Variants in AUTS2 observed in about 807,000 individuals in gnomAD.
AUTS2 encodes the protein activator of transcription and developmental regulator AUTS2, also known as autism susceptibility gene 2 protein.
In AUTS2, 17 loss-of-function variants were observed where a neutral mutation model predicts 112.4. That is an observed-to-expected ratio of 0.15 (90% confidence interval 0.10 to 0.23). The LOEUF is 0.23. AUTS2 is among the 10% of genes least tolerant of loss of function. The pLI is 1.00. For synonymous variants in AUTS2, 751 were observed against 702.7 expected, an observed-to-expected ratio of 1.07 and a Z score of -1.09; for missense variants, 1,510 against 1,701.6, an observed-to-expected ratio of 0.89 and a Z score of 1.98.
intron 1 of AUTS2, among the ~76,000 whole-genome samples, chr7:69,723,724 G>T (rs1221341033): frequency 6.6e-6 from 1 of 152,188 alleles, no homozygotes. Flanking sequence ...TTAACTAGTA[G>T]AAGTCAGAAA....
intron 1 of AUTS2, among the ~76,000 whole-genome samples, chr7:69,740,726 A>G (rs975040342): frequency 2.6e-5 from 4 of 151,892 alleles, no homozygotes; most frequent in Non-Finnish European, 5.9e-5. Context: ...GACTTTCACC[A>G]TGTTAGGCTG....
At chr7:70,637,860 G>C (rs1226628035) in intron 5 of AUTS2, among the ~76,000 whole-genome samples, 1 of 152,168 alleles carries the variant, frequency 6.6e-6, no homozygotes, top group Non-Finnish European at 1.5e-5. Context: ...CAGGCTCTTT[G>C]TTAACTCCCT....
intron 5 of AUTS2, among the ~76,000 whole-genome samples, chr7:70,665,915 A>G (rs893672128): frequency 2.0e-5 from 3 of 152,184 alleles, no homozygotes; most frequent in Non-Finnish European, 4.4e-5. Flanking sequence ...ACAAACCCAT[A>G]AACAGTGCAA....
At chr7:70,768,129 C>A in intron 10 of AUTS2, 61 bp downstream of exon 10, 1 of 1,488,924 alleles carries the variant, frequency 6.7e-7, no homozygotes, top group Non-Finnish European at 9.2e-7. Flanking sequence ...TGTGCTCTTG[C>A]CACAGATCAG....
chr7:69,859,502 C>G (rs78547899), intron 1 of AUTS2, among the ~76,000 whole-genome samples: 3,391 of 152,324 alleles, frequency 0.022, 122 homozygotes, highest in African/African-American at 0.074. Flanking sequence ...TAGTCTCAGA[C>G]TCATATTCAT....
intron 2 of AUTS2, among the ~76,000 whole-genome samples, chr7:69,970,952 C>T (rs2129547996): frequency 6.6e-6 from 1 of 152,222 alleles, no homozygotes; most frequent in African/African-American, 2.4e-5. Context: ...GCGGGAGAAT[C>T]CCTTGATCCC....
At chr7:70,610,469 T>C (rs1804036275) in intron 5 of AUTS2, among the ~76,000 whole-genome samples, 1 of 140,568 alleles carries the variant, frequency 7.1e-6, no homozygotes, top group African/African-American at 2.8e-5. Context: ...AGAGTCTCAT[T>C]CTGTTGCCCA....
chr7:69,755,961 T>C (rs949532779), intron 1 of AUTS2, among the ~76,000 whole-genome samples: 14 of 152,230 alleles, frequency 9.2e-5, no homozygotes, highest in Admixed American at 2.6e-4. Context: ...TGCACCATCA[T>C]GATTTAACTG....
intron 2 of AUTS2, among the ~76,000 whole-genome samples, chr7:70,114,480 G>A (rs1039654221): frequency 3.3e-5 from 5 of 152,182 alleles, no homozygotes; most frequent in African/African-American, 1.2e-4. Flanking sequence ...TCCATTGGAT[G>A]TGGCTAAAAT....
intron 6 of AUTS2, among the ~76,000 whole-genome samples, chr7:70,760,549 T>TG (rs1433704914): frequency 2.0e-5 from 3 of 152,222 alleles, no homozygotes; most frequent in Admixed American, 6.5e-5. Context: ...TAGCTTGCTG[T>TG]GGGAAAATCC....
At chr7:70,730,679 A>AT (rs112099139) in intron 6 of AUTS2, among the ~76,000 whole-genome samples, 4 of 151,910 alleles carry the variant, frequency 2.6e-5, no homozygotes, top group African/African-American at 4.8e-5. Context: ...AGTTGCTTCT[A>AT]TTTTTTTGGC....
At chr7:70,248,784 G>A (rs1813061772) in intron 4 of AUTS2, among the ~76,000 whole-genome samples, 2 of 152,062 alleles carry the variant, frequency 1.3e-5, no homozygotes, top group African/African-American at 4.8e-5. Flanking sequence ...AAGTTACTCA[G>A]GAGGAAAGGA....
chr7:70,568,520 T>C (rs1332741107), intron 5 of AUTS2, among the ~76,000 whole-genome samples: 1 of 152,138 alleles, frequency 6.6e-6, no homozygotes, highest in Non-Finnish European at 1.5e-5. Flanking sequence ...CCAGGGCAAT[T>C]GGATGCACTT....
At chr7:69,759,127 C>T (rs886522664) in intron 1 of AUTS2, among the ~76,000 whole-genome samples, 21 of 152,132 alleles carry the variant, frequency 1.4e-4, no homozygotes, top group African/African-American at 4.8e-4. Flanking sequence ...CACAGAGAGA[C>T]TCGGTAATTT....
intron 4 of AUTS2, among the ~76,000 whole-genome samples, chr7:70,322,653 A>G (rs1790308109): frequency 6.6e-6 from 1 of 152,178 alleles, no homozygotes; most frequent in African/African-American, 2.4e-5. Flanking sequence ...AAAGTGTGTC[A>G]TAGTTTTTTG....
intron 5 of AUTS2, among the ~76,000 whole-genome samples, chr7:70,576,564 C>G (rs531418996): frequency 7.9e-5 from 12 of 152,250 alleles, no homozygotes; most frequent in African/African-American, 2.9e-4. Context: ...CACACGCTTC[C>G]ACTCCTAACC....
rs534248505 is a variant in AUTS2, at chr7:70,371,471, A to G, written c.661-64281A>G. On this transcript the variant is annotated intron_variant, in intron 4 of 18. Coordinates refer to ENST00000342771, the MANE Select transcript of AUTS2 (RefSeq NM_015570.4). ...TCAAACAGATGTAAGACATAATTGCAGTGTGCAGTCTTCTCCAACTAATGA... is the reference window on the plus strand; with the variant it reads ...TCAAACAGATGTAAGACATAATTGCGGTGTGCAGTCTTCTCCAACTAATGA... Among the ~76,000 whole-genome samples, 5 of 152,374 alleles carry G rather than the reference A, an allele frequency of 3.3e-5. No individual in the cohort carries two copies. The East Asian group carries it at 9.7e-4, about 29-fold the overall frequency.
intron 5 of AUTS2, among the ~76,000 whole-genome samples, chr7:70,465,021 TAG>T (rs898488242): frequency 6.6e-6 from 1 of 152,138 alleles, no homozygotes; most frequent in Non-Finnish European, 1.5e-5. Flanking sequence ...TTCCCATTTT[TAG>T]AGAGAGGGAG....
At position 69,751,186 on chromosome 7, in the gene AUTS2, A is replaced by G. The variant is rs560914642; in HGVS notation, c.310-148100A>G. Among the ~76,000 whole-genome samples the G allele has an allele frequency of 5.9e-5, 9 of 152,308 alleles. No individual in the cohort carries two copies. The East Asian group carries it at 1.7e-3, about 29-fold the overall frequency. On this transcript the variant is annotated intron_variant, in intron 1 of 18. Transcript: ENST00000342771. ...AGAAAAACATTTCCCTGAGCCTTTC[A>G]TAAATTATCTTAATGTGCATATTGT...
Sources: allele counts gnomAD v4.1 joint callset (sites outside exome capture counted in the v4.1 genomes callset), GRCh38; gene constraint gnomAD v4.1.1; transcripts MANE v1.5; gene names NCBI Gene and HGNC (gene_info 2026-07-23, HGNC 2026-07-21).